The following IL31RA variants were observed in gnomAD, a reference collection of about 807,000 sequenced individuals.
IL31RA encodes the protein interleukin 31 receptor A, also known as interleukin-31 receptor subunit alpha.
In IL31RA, 66 loss-of-function variants were observed where a neutral mutation model predicts 83.7. The observed-to-expected ratio is 0.79, with a 90% CI of 0.65 to 0.97. The LOEUF (loss-of-function observed/expected upper bound fraction) is 0.97. Among genes scored for constraint, IL31RA ranks in the 50% least tolerant of loss-of-function variants. IL31RA has a pLI of 0.00. For missense variants in IL31RA, 798 were observed against 919.4 expected, an observed-to-expected ratio of 0.87 and a Z score of 1.71; for synonymous variants, 325 against 329.0, an observed-to-expected ratio of 0.99 and a Z score of 0.13.
At chr5:55,850,628 A>G (rs1023052578), upstream of IL31RA, among the ~76,000 whole-genome samples, 2 of 151,888 alleles carry the variant, frequency 1.3e-5, no homozygotes, top group Non-Finnish European at 2.9e-5. Context: ...TGCTGTTGGG[A>G]TGGGAGAAAT....
At chr5:55,868,449 C>T (rs1167403489) in intron 2 of IL31RA, among the ~76,000 whole-genome samples, 1 of 152,136 alleles carries the variant, frequency 6.6e-6, no homozygotes, top group African/African-American at 2.4e-5. Context: ...CATGAATTAT[C>T]CAGAGTGATT....
intron 4 of IL31RA, among the ~76,000 whole-genome samples, chr5:55,876,901 A>AT (rs567616705): frequency 2.0e-5 from 3 of 150,754 alleles, no homozygotes; most frequent in South Asian, 2.1e-4. Context: ...AGCCAGTTGG[A>AT]TTTTTTTTTC....
rs1379591418 is a variant in IL31RA at position 55,918,974 on chromosome 5, A to G, written c.*1854A>G. ...TGTAGGAAGGGACCAAACAAAAGAG[A>G]TGCGTCCAATTCTCATGCCGCCCCT... On this transcript the variant is annotated 3_prime_UTR_variant, in exon 15 of 15. Transcript: ENST00000652347. Among the ~76,000 whole-genome samples, 1 of 152,116 alleles carries G rather than the reference A, an allele frequency of 6.6e-6. No individual in the cohort carries two copies. The highest frequency in any genetic ancestry group is 1.9e-4 in the East Asian group (1 of 5,182).
chr5:55,903,105 A>C lies in IL31RA; in HGVS notation c.1069+2973A>C, dbSNP rs1183192091. 3.3e-5 allele frequency among the ~76,000 whole-genome samples: 5 copies of C among 152,196 alleles called. No individual in the cohort carries two copies. Among genetic ancestry groups the C allele is most frequent in the Admixed American group, 2.0e-4 (3 of 15,292 alleles). ...CCTCTTGGAATAAGGGCTTGGAATG[A>C]GGTTCCTTCTGCTCAGCACGCCCTG... On this transcript the variant is annotated intron_variant, in intron 8 of 14. Coordinates refer to ENST00000652347, the MANE Select transcript of IL31RA (RefSeq NM_139017.7). This position sits in a 1 kb window ranked among gnomAD's most constrained non-coding sequence, Gnocchi z 4.7.
chr5:55,910,004 A>C (rs1481314988), intron 11 of IL31RA, among the ~76,000 whole-genome samples: 2 of 152,176 alleles, frequency 1.3e-5, no homozygotes, highest in East Asian at 1.9e-4. Context: ...GCGCCCGGCC[A>C]GCCCGTTTGT....
At chr5:55,883,295 T>A in intron 5 of IL31RA, 100 bp downstream of exon 5, 1 of 1,110,816 alleles carries the variant, frequency 9.0e-7, no homozygotes, top group Non-Finnish European at 1.4e-6. Flanking sequence ...ACTTTTTACA[T>A]TAAAAATAGA....
At chr5:55,867,254 CGTGTGTTTGTGTGCGTGTGTGT>C (rs1171762615) in intron 2 of IL31RA, among the ~76,000 whole-genome samples, 7,909 of 24,896 alleles carry the variant, frequency 0.32, 555 homozygotes, top group African/African-American at 0.44. Flanking sequence ...TTTGTGTGTG[CGTGTGTTTGTGTGCGTGTGTGT>C]GCATGTGTGT....
intron 2 of IL31RA, among the ~76,000 whole-genome samples, 160 bp from the exon 3 acceptor site, chr5:55,868,631 T>G (rs145765844): frequency 1.2e-3 from 176 of 152,334 alleles, no homozygotes; most frequent in African/African-American, 3.9e-3. Context: ...TGAAGTTAGA[T>G]TCTTTCCATT....
intron 9 of IL31RA, among the ~76,000 whole-genome samples, chr5:55,906,583 TC>T (rs1399847281): frequency 6.6e-6 from 1 of 152,136 alleles, no homozygotes; most frequent in East Asian, 1.9e-4. Context: ...CATGGATAAC[TC>T]CAGAATGTGG....
At chr5:55,870,601 A>T (rs1746451975) in intron 3 of IL31RA, among the ~76,000 whole-genome samples, 1 of 152,070 alleles carries the variant, frequency 6.6e-6, no homozygotes, top group African/African-American at 2.4e-5. Flanking sequence ...CCAGTTGGAC[A>T]TGGAGAAATA....
Position 55,918,263 on chromosome 5 carries a change from G to A in IL31RA, c.*1143G>A, listed in dbSNP as rs1028200089. ...GCGAGGCAATGAGTGAGTGGCCCAA[G>A]GTGCAGTGAACCCAGCACTTGCCAG... On this transcript the variant is annotated 3_prime_UTR_variant, in exon 15 of 15. Transcript: ENST00000652347. Among the ~76,000 whole-genome samples the A allele has an allele frequency of 1.3e-5, 2 of 152,158 alleles. No individual in the cohort carries two copies. Among genetic ancestry groups the A allele is most frequent in the East Asian group, 3.9e-4 (2 of 5,190 alleles).
At chr5:55,905,968 C>T (rs1290155627) in intron 8 of IL31RA, 138 bp from the exon 9 acceptor site, 3 of 826,682 alleles carry the variant, frequency 3.6e-6, no homozygotes, top group Admixed American at 3.7e-5. Context: ...GTGAAAAGAG[C>T]CCCATCCGGG....
intron 4 of IL31RA, among the ~76,000 whole-genome samples, chr5:55,878,329 C>T (rs1433637548): frequency 6.6e-6 from 1 of 152,188 alleles, no homozygotes; most frequent in Non-Finnish European, 1.5e-5. Context: ...TCTAGAAATT[C>T]TGATGGCTGG....
In IL31RA at chr5:55,922,315, G is replaced by C; in HGVS notation, c.*5195G>C. 8.0e-7 allele frequency: 1 copy of C among 1,254,108 alleles called. No homozygotes were observed. Among genetic ancestry groups the C allele is most frequent in the Non-Finnish European group, 1.1e-6 (1 of 876,366 alleles). The allele number at this position is 1,254,108 out of a possible 1,614,324, so 77.7% of individuals were successfully genotyped here. A position where few individuals can be genotyped will look rare whatever the true frequency, so the allele number is the denominator to read the frequency against. ...GCAGGGGAGGGGCAGAACTCCACAA[G>C]AGGGCAAAACCTGCTGTCAGCAATG... On this transcript the variant is annotated 3_prime_UTR_variant, in exon 15 of 15. Coordinates refer to ENST00000652347, the MANE Select transcript of IL31RA (RefSeq NM_139017.7).
At chr5:55,901,623 A>ATTATTC in intron 8 of IL31RA, among the ~76,000 whole-genome samples, 1 of 115,896 alleles carries the variant, frequency 8.6e-6, no homozygotes, top group East Asian at 2.3e-4. Context: ...TATTATTATT[A>ATTATTC]TTAATTTTTG....
the IL31RA span, among the ~76,000 whole-genome samples, chr5:55,845,505 C>CCG: frequency 1.3e-5 from 1 of 78,044 alleles, no homozygotes; most frequent in South Asian, 4.7e-4. Context: ...CTTGTAATCC[C>CCG]CACGTCAAGG....
rs531429219 is a variant in IL31RA at position 55,871,890 on chromosome 5, A to G, written c.273-380A>G. On this transcript the variant is annotated intron_variant, in intron 3 of 14. Transcript: ENST00000652347. ...AACAAATCCTTACATATATGAATATATTTTTACATATATATGTAAAAGAAT... is the reference window on the plus strand; with the variant it reads ...AACAAATCCTTACATATATGAATATGTTTTTACATATATATGTAAAAGAAT... Among the ~76,000 whole-genome samples, 347 of 149,502 alleles carry G rather than the reference A, an allele frequency of 2.3e-3. 1 individual carries two copies. Among genetic ancestry groups the G allele is most frequent in the Non-Finnish European group, 4.2e-3 (281 of 67,568 alleles).
At chr5:55,874,730 G>A (rs1346656977) in intron 4 of IL31RA, among the ~76,000 whole-genome samples, 1 of 152,080 alleles carries the variant, frequency 6.6e-6, no homozygotes, top group Non-Finnish European at 1.5e-5. Context: ...TTGGTAATTG[G>A]CAACCTTGTT....
chr5:55,880,406 T>G (rs1262206283), intron 4 of IL31RA, among the ~76,000 whole-genome samples: 1 of 152,212 alleles, frequency 6.6e-6, no homozygotes, highest in Non-Finnish European at 1.5e-5. Context: ...TATTTTACAT[T>G]GCATGCCTGT....
Sources: allele counts gnomAD v4.1 joint callset (sites outside exome capture counted in the v4.1 genomes callset), GRCh38; gene constraint gnomAD v4.1.1; non-coding constraint Gnocchi (gnomAD v3.1); transcripts MANE v1.5; gene names NCBI Gene and HGNC (gene_info 2026-07-23, HGNC 2026-07-21).